ZNF536: variants seen among roughly 807,000 people sequenced by gnomAD.
The protein encoded by ZNF536 is zinc finger protein 536.
Under a neutral mutation model 84.5 loss-of-function variants are expected in ZNF536, and 13 were observed. The observed-to-expected ratio is 0.15, with a 90% CI of 0.10 to 0.24. ZNF536 has a LOEUF of 0.24. ZNF536 is among the 10% of genes least tolerant of loss of function. ZNF536 has a pLI of 1.00. For synonymous variants in ZNF536, 811 were observed against 742.5 expected, an observed-to-expected ratio of 1.09 and a Z score of -1.50; for missense variants, 1,536 against 1,747.5, an observed-to-expected ratio of 0.88 and a Z score of 2.16.
At chr19:30,554,944 T>C (rs573468495) in intron 4 of ZNF536, 46 of 152,308 alleles carry the variant, frequency 3.0e-4, no homozygotes, top group African/African-American at 1.0e-3. Flanking sequence ...CAGGGCCCCA[T>C]CCATTGTCTG....
chr19:30,368,474 G>T (rs1283114584), upstream of ZNF536, among the ~76,000 whole-genome samples: 5 of 152,206 alleles, frequency 3.3e-5, no homozygotes, highest in Non-Finnish European at 7.3e-5. Context: ...CTGCTGATGT[G>T]CCTGCGAGGG....
At chr19:30,523,545 G>C (rs2044453337) in intron 2 of ZNF536, among the ~76,000 whole-genome samples, 1 of 152,128 alleles carries the variant, frequency 6.6e-6, no homozygotes, top group African/African-American at 2.4e-5. Flanking sequence ...ATTTAGCTCT[G>C]GAAGGACAAG....
intron 2 of ZNF536, among the ~76,000 whole-genome samples, chr19:30,296,643 C>G (rs930089838): frequency 1.3e-5 from 2 of 152,198 alleles, no homozygotes; most frequent in African/African-American, 4.8e-5. Flanking sequence ...AGCTTGCTCT[C>G]TACCCCCAGG....
At chr19:30,448,734 T>C (rs1232939231) in intron 2 of ZNF536, among the ~76,000 whole-genome samples, 2 of 152,224 alleles carry the variant, frequency 1.3e-5, no homozygotes, top group African/African-American at 4.8e-5. Context: ...CAGAGCCTCT[T>C]AGAACAGATC....
intron 2 of ZNF536, among the ~76,000 whole-genome samples, chr19:30,324,387 T>C (rs1335788712): frequency 6.6e-6 from 1 of 152,176 alleles, no homozygotes; most frequent in Non-Finnish European, 1.5e-5. Context: ...CCTGGTATTC[T>C]TTCTTTTTTA....
chr19:30,276,941 A>G (rs1263448828), intron 1 of ZNF536, among the ~76,000 whole-genome samples: 1 of 152,196 alleles, frequency 6.6e-6, no homozygotes, highest in East Asian at 1.9e-4. Flanking sequence ...TTGCTTTTGC[A>G]CAACAAGCAG....
At chr19:30,517,267 G>A (rs150999634) in intron 2 of ZNF536, among the ~76,000 whole-genome samples, 35 of 152,234 alleles carry the variant, frequency 2.3e-4, no homozygotes, top group African/African-American at 7.2e-4. Flanking sequence ...TCATAATTAC[G>A]AGAATTAGTC....
At chr19:30,298,174 G>A (rs181980320) in intron 2 of ZNF536, among the ~76,000 whole-genome samples, 115 of 152,216 alleles carry the variant, frequency 7.6e-4, no homozygotes, top group Non-Finnish European at 1.3e-3. Flanking sequence ...CACCTCGCCT[G>A]GCCTCATGCC....
chr19:30,457,971 C>T (rs1035349589), intron 2 of ZNF536, among the ~76,000 whole-genome samples: 8 of 152,148 alleles, frequency 5.3e-5, no homozygotes, highest in African/African-American at 1.2e-4. Context: ...ATGAACTGAA[C>T]GAGGGCTTGC....
At chr19:30,485,076 A>G (rs1344653082) in intron 2 of ZNF536, among the ~76,000 whole-genome samples, 1 of 152,102 alleles carries the variant, frequency 6.6e-6, no homozygotes, top group Non-Finnish European at 1.5e-5. Flanking sequence ...CCCGGAAGGC[A>G]GAGCTTTCAG....
chr19:30,578,103 C>T (rs2146633560), intron 1 of ZNF536, among the ~76,000 whole-genome samples: 1 of 152,312 alleles, frequency 6.6e-6, no homozygotes, highest in Middle Eastern at 3.4e-3. Flanking sequence ...TTCACCCACC[C>T]TGTATCCTAT....
intron 1 of ZNF536, among the ~76,000 whole-genome samples, chr19:30,659,545 C>A (rs987010103): frequency 6.6e-6 from 1 of 152,082 alleles, no homozygotes; most frequent in Non-Finnish European, 1.5e-5. Flanking sequence ...GTTTAAAGGA[C>A]TCACAGTTCC....
At chr19:30,487,315 C>G (rs773951657) in intron 2 of ZNF536, among the ~76,000 whole-genome samples, 21 of 152,268 alleles carry the variant, frequency 1.4e-4, no homozygotes, top group Admixed American at 2.6e-4. Context: ...TCCATGGAGA[C>G]AGAGCTCCTT....
At chr19:30,484,390 C>CTTTTTTTTTTT (rs375461433) in intron 2 of ZNF536, among the ~76,000 whole-genome samples, 21 of 117,446 alleles carry the variant, frequency 1.8e-4, no homozygotes, top group African/African-American at 5.8e-4. Flanking sequence ...TCATGCCCAG[C>CTTTTTTTTTTT]TTTTTTTTTT....
At chr19:30,575,934 G>A (rs1177310116) in intron 1 of ZNF536, among the ~76,000 whole-genome samples, 4 of 152,216 alleles carry the variant, frequency 2.6e-5, no homozygotes, top group South Asian at 2.1e-4. Context: ...AGGCCTTGTG[G>A]CCACAAGAGC....
At chr19:30,621,028 C>G (rs1263118347) in intron 1 of ZNF536, among the ~76,000 whole-genome samples, 4 of 151,976 alleles carry the variant, frequency 2.6e-5, no homozygotes, top group African/African-American at 9.7e-5. Flanking sequence ...GAGCATCAGA[C>G]AATATTTGTG....
intron 1 of ZNF536, among the ~76,000 whole-genome samples, chr19:30,688,397 CTGTG>C (rs1203033372): frequency 1.3e-5 from 2 of 152,188 alleles, no homozygotes; most frequent in Non-Finnish European, 2.9e-5. Context: ...GTTTCGGCTG[CTGTG>C]TCTAATAAAC....
At chr19:30,565,604 A>G (rs565077368) in intron 1 of ZNF536, among the ~76,000 whole-genome samples, 4 of 152,154 alleles carry the variant, frequency 2.6e-5, no homozygotes, top group Non-Finnish European at 4.4e-5. Flanking sequence ...ATATCATTGC[A>G]TGTGGTGAAG....
chr19:30,280,114 C>T (rs558018665), intron 1 of ZNF536, among the ~76,000 whole-genome samples: 12 of 152,208 alleles, frequency 7.9e-5, no homozygotes, highest in African/African-American at 2.2e-4. Flanking sequence ...CCATCCGCCT[C>T]GCCTCCATCT....
Sources: allele counts gnomAD v4.1 joint callset (sites outside exome capture counted in the v4.1 genomes callset), GRCh38; gene constraint gnomAD v4.1.1; transcripts MANE v1.5; gene names NCBI Gene and HGNC (gene_info 2026-07-23, HGNC 2026-07-21).